SLC24A2: variants seen among roughly 807,000 people sequenced by gnomAD.
The protein encoded by SLC24A2 is sodium/potassium/calcium exchanger 2.
A neutral mutation model predicts 62.0 loss-of-function variants in SLC24A2; 36 were observed. The observed-to-expected ratio is 0.58, with a 90% CI of 0.44 to 0.77. SLC24A2 has a LOEUF of 0.77. Among genes scored for constraint, SLC24A2 ranks in the 30% least tolerant of loss-of-function variants. The pLI, the probability that SLC24A2 is intolerant of heterozygous loss-of-function variation, is 0.00. For synonymous variants in SLC24A2, 358 were observed against 294.0 expected (o/e 1.22, Z -2.23); for missense variants, 846 against 817.9 (o/e 1.03, Z -0.42).
chr9:20,182,882 T>C, the SLC24A2 span, among the ~76,000 whole-genome samples: 2 of 152,278 alleles, frequency 1.3e-5, no homozygotes, highest in South Asian at 4.1e-4. Context: ...ATGGTAACAA[T>C]AGGTATACAT....
intron 1 of SLC24A2, chr9:19,788,488 T>C (rs1209951197): frequency 2.0e-6 from 2 of 984,928 alleles, no homozygotes; most frequent in Non-Finnish European, 2.4e-6. Flanking sequence ...AAACTTTCCC[T>C]GGTGGATTAA....
At chr9:19,924,584 C>A in the SLC24A2 span, among the ~76,000 whole-genome samples, 1 of 152,206 alleles carries the variant, frequency 6.6e-6, no homozygotes, top group East Asian at 1.9e-4. Flanking sequence ...CCTCAAGAGC[C>A]AGTAAGGACC....
At chr9:19,574,573 G>C (rs1470037286) in intron 6 of SLC24A2, among the ~76,000 whole-genome samples, 1 of 151,844 alleles carries the variant, frequency 6.6e-6, no homozygotes, top group East Asian at 1.9e-4. Context: ...ACAACAATAT[G>C]ATCAAAGAGT....
chr9:20,182,638 C>T, the SLC24A2 span, among the ~76,000 whole-genome samples: 127 of 152,082 alleles, frequency 8.4e-4, no homozygotes, highest in Admixed American at 1.4e-3. Context: ...CCTGTCGGGG[C>T]GGGGGTGCTG....
At chr9:20,182,636 G>A in the SLC24A2 span, among the ~76,000 whole-genome samples, 4 of 152,142 alleles carry the variant, frequency 2.6e-5, no homozygotes, top group Non-Finnish European at 4.4e-5. Flanking sequence ...GGCCTGTCGG[G>A]GCGGGGGTGC....
the SLC24A2 span, among the ~76,000 whole-genome samples, chr9:20,183,228 C>G: frequency 6.6e-6 from 1 of 152,174 alleles, no homozygotes; most frequent in Admixed American, 6.5e-5. Context: ...AGTATCATAG[C>G]TGATTCCTGA....
At chr9:20,086,446 C>G in the SLC24A2 span, among the ~76,000 whole-genome samples, 1 of 152,186 alleles carries the variant, frequency 6.6e-6, no homozygotes, top group East Asian at 1.9e-4. Flanking sequence ...TTATGGATTT[C>G]TGACTAAGGA....
chr9:19,827,833 C>T, the SLC24A2 span, among the ~76,000 whole-genome samples: 1 of 152,130 alleles, frequency 6.6e-6, no homozygotes, highest in Admixed American at 6.5e-5. Flanking sequence ...GTTAAGCATC[C>T]TTCCCAAGAG....
At chr9:19,552,617 C>G (rs1402715233) in intron 7 of SLC24A2, among the ~76,000 whole-genome samples, 1 of 152,196 alleles carries the variant, frequency 6.6e-6, no homozygotes, top group Non-Finnish European at 1.5e-5. Context: ...ATGCCTCCCC[C>G]TAGCTCTGTT....
chr9:19,523,128 G>C (rs1474595435), intron 9 of SLC24A2, among the ~76,000 whole-genome samples: 1 of 152,180 alleles, frequency 6.6e-6, no homozygotes, highest in African/African-American at 2.4e-5. Flanking sequence ...ACCAGACTGG[G>C]CAATATAGCA....
the SLC24A2 span, among the ~76,000 whole-genome samples, chr9:19,946,513 G>T: frequency 1.3e-5 from 2 of 152,158 alleles, no homozygotes; most frequent in African/African-American, 4.8e-5. Context: ...AAAGCAAACC[G>T]CTGGCTCCAC....
At chr9:20,074,323 T>C in the SLC24A2 span, among the ~76,000 whole-genome samples, 2 of 152,024 alleles carry the variant, frequency 1.3e-5, no homozygotes, top group Admixed American at 1.3e-4. Context: ...TACTCTGTTC[T>C]CATTGCTTTG....
chr9:20,028,813 G>C, the SLC24A2 span, among the ~76,000 whole-genome samples: 1 of 152,154 alleles, frequency 6.6e-6, no homozygotes, highest in African/African-American at 2.4e-5. Context: ...CAAAAGCCTG[G>C]CAGATCCCCC....
chr9:19,963,984 G>A, the SLC24A2 span, among the ~76,000 whole-genome samples: 3 of 152,062 alleles, frequency 2.0e-5, no homozygotes, highest in East Asian at 3.9e-4. Flanking sequence ...GTCCAACAAT[G>A]ATAGACTGGA....
In SLC24A2 at chr9:19,507,501, G is replaced by A. The variant is rs1346889731; in HGVS notation, c.*8652C>T. On this transcript the variant is annotated 3_prime_UTR_variant, in exon 11 of 11. Coordinates refer to ENST00000341998, the MANE Select transcript of SLC24A2 (RefSeq NM_020344.4). Reference sequence around the variant, plus strand: ...TTACTATTATTTTTCACACTGAGGAGACTTAGTTACATAAAGTGATATTCT... The same window carrying A: ...TTACTATTATTTTTCACACTGAGGAAACTTAGTTACATAAAGTGATATTCT... The A allele has an allele frequency of 1.3e-5, 2 of 152,136 alleles. No homozygotes were observed. Among genetic ancestry groups the A allele is most frequent in the Admixed American group, 6.5e-5 (1 of 15,278 alleles). The allele number at this position is 152,136 out of a possible 1,614,324, so 9.4% of individuals were successfully genotyped here. A position where few individuals can be genotyped will look rare whatever the true frequency, so the allele number is the denominator to read the frequency against.
chr9:19,784,491 T>C (rs989793433), intron 2 of SLC24A2, among the ~76,000 whole-genome samples: 4 of 152,226 alleles, frequency 2.6e-5, no homozygotes, highest in African/African-American at 9.6e-5. Context: ...CATCGAATCA[T>C]TTCCTTGCCT....
chr9:19,550,173 AAACACTAT>A lies in SLC24A2; in HGVS notation c.1435_1442del (p.Ile479SerfsTer8). The stretch of plus-strand genomic sequence containing the variant: ...CGTCAGGTAACGTAATCCAGAGAGG[AAACACTAT>A]GGGGAAAACAATCAGAAACGTGACT... On this transcript the variant is annotated frameshift_variant, in exon 8 of 11. Coordinates refer to ENST00000341998, the MANE Select transcript of SLC24A2 (RefSeq NM_020344.4). LOFTEE classifies it high-confidence loss of function. 6.2e-7 allele frequency: 1 copy of A among 1,614,090 alleles called. No homozygotes were observed. The highest frequency in any genetic ancestry group is 8.5e-7 in the Non-Finnish European group (1 of 1,179,946).
intron 10 of SLC24A2, among the ~76,000 whole-genome samples, chr9:19,518,178 A>G (rs1833026981): frequency 1.3e-5 from 2 of 152,194 alleles, no homozygotes; most frequent in East Asian, 3.8e-4. Context: ...ATAATCTCTA[A>G]TAACAGGGAA....
chr9:19,932,137 A>G, the SLC24A2 span, among the ~76,000 whole-genome samples: 3 of 152,190 alleles, frequency 2.0e-5, no homozygotes, highest in African/African-American at 7.2e-5. Context: ...GTAAAACTCT[A>G]AAAAATAGTA....
Sources: allele counts gnomAD v4.1 joint callset (sites outside exome capture counted in the v4.1 genomes callset), GRCh38; gene constraint gnomAD v4.1.1; transcripts MANE v1.5; gene names NCBI Gene and HGNC (gene_info 2026-07-23, HGNC 2026-07-21).